Variants in AFTPH observed in about 807,000 individuals in gnomAD.
The protein encoded by AFTPH is aftiphilin protein.
A neutral mutation model predicts 72.5 loss-of-function variants in AFTPH; 7 were observed. The ratio of observed to expected loss-of-function variants is 0.10; its 90% CI spans 0.05 to 0.18. AFTPH has a LOEUF of 0.18. Among genes scored for constraint, AFTPH ranks in the 10% least tolerant of loss-of-function variants. AFTPH has a pLI of 1.00. For synonymous variants in AFTPH, 337 were observed against 370.1 expected, an observed-to-expected ratio of 0.91 and a Z score of 1.03; for missense variants, 979 against 1,060.5, an observed-to-expected ratio of 0.92 and a Z score of 1.07.
chr2:64,529,836 G>A (rs1477706174), intron 1 of AFTPH, among the ~76,000 whole-genome samples: 3 of 151,764 alleles, frequency 2.0e-5, no homozygotes, highest in Admixed American at 2.0e-4. Flanking sequence ...TTGTTATGTT[G>A]CCCAGGCTGG....
chr2:64,586,927 T>C (rs1052826120), intron 8 of AFTPH, among the ~76,000 whole-genome samples: 7 of 152,274 alleles, frequency 4.6e-5, no homozygotes, highest in Non-Finnish European at 1.0e-4. Context: ...TTTTATTGTT[T>C]GGGTTTCCCC....
At chr2:64,527,985 A>G (rs1278639508) in intron 1 of AFTPH, among the ~76,000 whole-genome samples, 1 of 152,222 alleles carries the variant, frequency 6.6e-6, no homozygotes, top group Non-Finnish European at 1.5e-5. Context: ...ATCACTGCTT[A>G]TTGATTTGGG....
At chr2:64,549,087 A>T (rs1346535880) in intron 1 of AFTPH, among the ~76,000 whole-genome samples, 1 of 152,024 alleles carries the variant, frequency 6.6e-6, no homozygotes, top group Non-Finnish European at 1.5e-5. Flanking sequence ...CATTTTCCTC[A>T]CCTCTAAATT....
At chr2:64,569,770 AAG>A in intron 5 of AFTPH, 91 bp downstream of exon 5, 2 of 1,207,188 alleles carry the variant, frequency 1.7e-6, no homozygotes, top group Non-Finnish European at 2.4e-6. Flanking sequence ...CATGCTATAT[AAG>A]AGACATTTAG....
At chr2:64,544,249 T>C (rs1205272878) in intron 1 of AFTPH, among the ~76,000 whole-genome samples, 1 of 152,224 alleles carries the variant, frequency 6.6e-6, no homozygotes, top group Non-Finnish European at 1.5e-5. Context: ...ATTCTCTATC[T>C]CTATGCTCTG....
chr2:64,545,566 G>A (rs1308197178), intron 1 of AFTPH, among the ~76,000 whole-genome samples: 3 of 53,354 alleles, frequency 5.6e-5, no homozygotes, highest in African/African-American at 1.6e-4. Context: ...AATGCCACCA[G>A]CAGTAAAAAA....
chr2:64,552,534 A>G, exon 2 of AFTPH: 1 of 1,614,050 alleles, frequency 6.2e-7, no homozygotes, highest in Non-Finnish European at 8.5e-7. Context: ...ACAATGTAAA[A>G]CTGAAGAAAA....
intron 6 of AFTPH, among the ~76,000 whole-genome samples, chr2:64,573,963 G>A (rs1460852390): frequency 6.6e-6 from 1 of 152,034 alleles, no homozygotes; most frequent in African/African-American, 2.4e-5. Context: ...CCAGAAAACT[G>A]TCTTGCCTTT....
At chr2:64,581,634 T>C (rs1304353438) in intron 7 of AFTPH, among the ~76,000 whole-genome samples, 1 of 145,778 alleles carries the variant, frequency 6.9e-6, no homozygotes, top group Non-Finnish European at 1.5e-5. Flanking sequence ...AAAATACAAG[T>C]TTAGAGATAG....
exon 2 of AFTPH, chr2:64,552,979 A>G: frequency 6.2e-7 from 1 of 1,614,166 alleles, no homozygotes; most frequent in East Asian, 2.2e-5. Flanking sequence ...GACCTAAAAC[A>G]GACTTCTGAT....
At chr2:64,587,958 T>TAAAA (rs2104254779) in intron 8 of AFTPH, among the ~76,000 whole-genome samples, 1 of 152,340 alleles carries the variant, frequency 6.6e-6, no homozygotes, top group South Asian at 2.1e-4. Context: ...TTTAGGCCTT[T>TAAAA]TTATTGAGAT....
At chr2:64,548,431 A>AG (rs898142528) in intron 1 of AFTPH, among the ~76,000 whole-genome samples, 6 of 150,464 alleles carry the variant, frequency 4.0e-5, no homozygotes, top group Admixed American at 2.0e-4. Flanking sequence ...AAAAAAAAAA[A>AG]AAAACTTTAG....
At chr2:64,544,156 A>G (rs1356215811) in intron 1 of AFTPH, among the ~76,000 whole-genome samples, 1 of 152,132 alleles carries the variant, frequency 6.6e-6, no homozygotes, top group Non-Finnish European at 1.5e-5. Context: ...AATTATTTTT[A>G]TTCACCTATA....
chr2:64,585,729 A>G (rs1395961499), intron 8 of AFTPH, among the ~76,000 whole-genome samples, 184 bp downstream of exon 9: 2 of 152,244 alleles, frequency 1.3e-5, no homozygotes, highest in Non-Finnish European at 2.9e-5. Flanking sequence ...TTATTAGAAC[A>G]GGATTATTTC....
intron 2 of AFTPH, among the ~76,000 whole-genome samples, chr2:64,554,290 T>G (rs971857199): frequency 8.5e-5 from 13 of 152,148 alleles, no homozygotes; most frequent in African/African-American, 3.1e-4. Flanking sequence ...TCTAGGTTGT[T>G]CCCCAGTCCA....
intron 7 of AFTPH, among the ~76,000 whole-genome samples, chr2:64,584,593 ATTTTT>A (rs5831705): frequency 3.4e-5 from 4 of 117,006 alleles, no homozygotes; most frequent in African/African-American, 1.4e-4. Context: ...CTTAGTCATG[ATTTTT>A]TTTTTTTTTT....
At chr2:64,581,271 C>A in intron 7 of AFTPH, 1 of 1,590,228 alleles carries the variant, frequency 6.3e-7, no homozygotes, top group Non-Finnish European at 8.6e-7. Flanking sequence ...ACCACAATCC[C>A]AGGTCAGCAG....
At chr2:64,536,970 AAAAAAG>A (rs1368095194) in intron 1 of AFTPH, among the ~76,000 whole-genome samples, 633 of 150,492 alleles carry the variant, frequency 4.2e-3, no homozygotes, top group African/African-American at 0.012. Context: ...AAAAAAAAAA[AAAAAAG>A]AAGAAGAAGA....
chr2:64,567,064 A>T (rs1413401918), intron 2 of AFTPH, among the ~76,000 whole-genome samples: 1 of 152,172 alleles, frequency 6.6e-6, no homozygotes, highest in African/African-American at 2.4e-5. Context: ...TTTATGTTCA[A>T]AAAAAGATTG....
Sources: allele counts gnomAD v4.1 joint callset (sites outside exome capture counted in the v4.1 genomes callset), GRCh38; gene constraint gnomAD v4.1.1; transcripts MANE v1.5; gene names NCBI Gene and HGNC (gene_info 2026-07-23, HGNC 2026-07-21).